The following SEMA6D variants were observed in gnomAD, a reference collection of about 807,000 sequenced individuals.
SEMA6D encodes semaphorin 6D.
A neutral mutation model predicts 106.6 loss-of-function variants in SEMA6D; 35 were observed. The observed-to-expected ratio is 0.33, with a 90% CI of 0.25 to 0.44. The LOEUF (loss-of-function observed/expected upper bound fraction) is 0.44. Ranked by LOEUF, SEMA6D falls within the 20% of genes least tolerant of loss-of-function variation. SEMA6D has a pLI of 1.00. For missense variants in SEMA6D, 1,185 were observed against 1,345.9 expected, an observed-to-expected ratio of 0.88 and a Z score of 1.87; for synonymous variants, 499 against 487.7, an observed-to-expected ratio of 1.02 and a Z score of -0.31.
intron 4 of SEMA6D, among the ~76,000 whole-genome samples, chr15:47,637,187 A>G (rs187526311): frequency 6.6e-6 from 1 of 152,320 alleles, no homozygotes; most frequent in Admixed American, 6.5e-5. Flanking sequence ...CAGTGTAGCT[A>G]TCGCTTATTG....
intron 3 of SEMA6D, among the ~76,000 whole-genome samples, chr15:47,534,888 CTT>C (rs1209060922): frequency 6.6e-6 from 1 of 151,970 alleles, no homozygotes; most frequent in East Asian, 1.9e-4. Context: ...ATATCTGCCA[CTT>C]TGTTCTATAT....
intron 3 of SEMA6D, among the ~76,000 whole-genome samples, chr15:47,548,649 G>A (rs531614207): frequency 1.3e-5 from 2 of 152,240 alleles, no homozygotes; most frequent in Admixed American, 1.3e-4. Flanking sequence ...ATCCCCTCCA[G>A]TATGCCCTGA....
chr15:47,249,416 T>A (rs2033382985), intron 1 of SEMA6D, among the ~76,000 whole-genome samples: 1 of 151,670 alleles, frequency 6.6e-6, no homozygotes, highest in South Asian at 2.1e-4. Flanking sequence ...CAAAAATGAA[T>A]GGTGGGATAA....
intron 1 of SEMA6D, among the ~76,000 whole-genome samples, chr15:47,255,368 T>G (rs991308419): frequency 1.3e-5 from 2 of 151,900 alleles, no homozygotes; most frequent in South Asian, 2.1e-4. Context: ...GTGTCAATTT[T>G]ACTTATTTTT....
chr15:47,723,111 A>C (rs2079518160), intron 1 of SEMA6D, among the ~76,000 whole-genome samples: 1 of 152,180 alleles, frequency 6.6e-6, no homozygotes, highest in African/African-American at 2.4e-5. Flanking sequence ...TTTGCTTTTC[A>C]ATGAAAAAGT....
At chr15:47,447,369 G>A (rs574965183) in intron 2 of SEMA6D, among the ~76,000 whole-genome samples, 1 of 152,100 alleles carries the variant, frequency 6.6e-6, no homozygotes, top group Admixed American at 6.5e-5. Context: ...AGGAAGAGGG[G>A]CTGAAGGTTG....
chr15:47,510,298 G>A (rs2044184297), intron 3 of SEMA6D, among the ~76,000 whole-genome samples: 1 of 152,134 alleles, frequency 6.6e-6, no homozygotes, highest in Admixed American at 6.5e-5. Context: ...TCTAATGCCT[G>A]ATGATCTGAG....
intron 1 of SEMA6D, among the ~76,000 whole-genome samples, chr15:47,753,691 C>T (rs376822401): frequency 2.6e-5 from 4 of 152,134 alleles, no homozygotes; most frequent in South Asian, 4.2e-4. Context: ...GTAAAGTCTT[C>T]GTAAAGCTAG....
rs117619131 is a variant in SEMA6D at position 47,745,240 on chromosome 15, G to A, written c.-54-14505G>A. Among the ~76,000 whole-genome samples the A allele has an allele frequency of 5.3e-5, 8 of 152,250 alleles. No individual in the cohort carries two copies. The East Asian group carries it at 9.7e-4, about 18-fold the overall frequency. ...ACCTGGTCTAATAGTGATTTTTATG[G>A]TGCTTACCATGTGCCAGGATCTCTG... On this transcript the variant is annotated intron_variant, in intron 1 of 18. Transcript: ENST00000536845.
At chr15:47,472,965 T>C (rs978663019) in intron 3 of SEMA6D, among the ~76,000 whole-genome samples, 1 of 152,214 alleles carries the variant, frequency 6.6e-6, no homozygotes, top group Non-Finnish European at 1.5e-5. Flanking sequence ...TGCCAATGTT[T>C]TGTGTAGTAC....
chr15:47,482,346 A>C (rs534590632), intron 3 of SEMA6D, among the ~76,000 whole-genome samples: 105 of 152,262 alleles, frequency 6.9e-4, no homozygotes, highest in Non-Finnish European at 1.1e-3. Context: ...ATGAGGCATT[A>C]ATCTGAGGAT....
At chr15:47,368,577 T>C in intron 1 of SEMA6D, among the ~76,000 whole-genome samples, 1 of 151,862 alleles carries the variant, frequency 6.6e-6, no homozygotes, top group East Asian at 1.9e-4. Context: ...TTCACGCCAT[T>C]CTCCTGCCTC....
At chr15:47,430,540 G>A (rs1039208144) in intron 2 of SEMA6D, among the ~76,000 whole-genome samples, 6 of 152,080 alleles carry the variant, frequency 3.9e-5, no homozygotes, top group African/African-American at 1.2e-4. Flanking sequence ...ACAGGCTAAT[G>A]TGGGCTGGGT....
chr15:47,530,715 TAGG>T (rs1328938262), intron 3 of SEMA6D, among the ~76,000 whole-genome samples: 1 of 152,146 alleles, frequency 6.6e-6, no homozygotes, highest in African/African-American at 2.4e-5. Flanking sequence ...CTTGAGTTTG[TAGG>T]AGATGTATAG....
At chr15:47,227,930 A>G (rs1595774243) in intron 1 of SEMA6D, among the ~76,000 whole-genome samples, 1 of 127,070 alleles carries the variant, frequency 7.9e-6, no homozygotes, top group Non-Finnish European at 1.6e-5. Flanking sequence ...TTATATATAT[A>G]AGAATCTTAT....
chr15:47,298,710 C>T (rs1403907971), intron 1 of SEMA6D, among the ~76,000 whole-genome samples: 4 of 152,130 alleles, frequency 2.6e-5, no homozygotes, highest in Non-Finnish European at 2.9e-5. Flanking sequence ...GGTCTCTTGT[C>T]TCTCCTCCTA....
intron 1 of SEMA6D, among the ~76,000 whole-genome samples, chr15:47,237,001 A>G (rs543833047): frequency 1.1e-4 from 17 of 152,274 alleles, no homozygotes; most frequent in African/African-American, 3.8e-4. Context: ...CTTGTGTTCT[A>G]TTGAATCAAA....
At chr15:47,459,163 C>G (rs1479497389) in intron 2 of SEMA6D, among the ~76,000 whole-genome samples, 1 of 152,040 alleles carries the variant, frequency 6.6e-6, no homozygotes, top group Non-Finnish European at 1.5e-5. Flanking sequence ...GCCAGAGATT[C>G]TTCTTGTAGG....
intron 3 of SEMA6D, among the ~76,000 whole-genome samples, chr15:47,509,133 C>T (rs2044144028): frequency 6.6e-6 from 1 of 152,160 alleles, no homozygotes; most frequent in South Asian, 2.1e-4. Context: ...CACACCCATA[C>T]AGCTAGCACC....
Sources: allele counts gnomAD v4.1 joint callset (sites outside exome capture counted in the v4.1 genomes callset), GRCh38; gene constraint gnomAD v4.1.1; transcripts MANE v1.5; gene names NCBI Gene and HGNC (gene_info 2026-07-23, HGNC 2026-07-21).